ADK: variants seen among roughly 807,000 people sequenced by gnomAD.
The protein encoded by ADK is adenosine kinase.
ADK carries 24 observed loss-of-function variants against 44.7 expected under a neutral mutation model. The observed-to-expected ratio is 0.54, with a 90% CI of 0.39 to 0.76. ADK has a LOEUF of 0.76. Ranked by LOEUF, ADK falls within the 30% of genes least tolerant of loss-of-function variation. The pLI is 0.00. For synonymous variants in ADK, 128 were observed against 142.6 expected (o/e 0.90, Z 0.73); for missense variants, 321 against 425.1 (o/e 0.76, Z 2.15).
chr10:74,240,881 A>G (rs908704115), intron 3 of ADK, among the ~76,000 whole-genome samples: 1 of 152,212 alleles, frequency 6.6e-6, no homozygotes, highest in East Asian at 1.9e-4. Flanking sequence ...ATTTGGAAAA[A>G]TTAGTATTAT....
At chr10:74,320,790 C>G (rs1225299293) in intron 4 of ADK, among the ~76,000 whole-genome samples, 1 of 152,170 alleles carries the variant, frequency 6.6e-6, no homozygotes, top group Non-Finnish European at 1.5e-5. Context: ...ATTTTTACTT[C>G]TCTAAATGTT....
At chr10:74,335,301 C>T (rs764453444) in intron 4 of ADK, among the ~76,000 whole-genome samples, 2 of 152,076 alleles carry the variant, frequency 1.3e-5, no homozygotes, top group South Asian at 2.1e-4. Flanking sequence ...TGTGCCAAAA[C>T]GTGGCAGCCC....
intron 1 of ADK, among the ~76,000 whole-genome samples, chr10:74,169,173 T>C: frequency 6.7e-6 from 1 of 149,018 alleles, no homozygotes. Context: ...GAACCAAGAT[T>C]GTGCCAGTAC....
intron 7 of ADK, among the ~76,000 whole-genome samples, chr10:74,571,945 G>A: frequency 6.6e-6 from 1 of 152,284 alleles, no homozygotes; most frequent in East Asian, 1.9e-4. Context: ...GATGGGTCTT[G>A]ACTCTTTATC....
At chr10:74,365,182 T>A (rs1272953679) in intron 4 of ADK, among the ~76,000 whole-genome samples, 1 of 112,678 alleles carries the variant, frequency 8.9e-6, no homozygotes, top group Non-Finnish European at 2.1e-5. Flanking sequence ...ATTTACTGCA[T>A]TCACAATGCT....
At chr10:74,583,301 G>T (rs112225004) in intron 7 of ADK, among the ~76,000 whole-genome samples, 37 of 151,742 alleles carry the variant, frequency 2.4e-4, no homozygotes, top group Non-Finnish European at 4.9e-4. Flanking sequence ...ACTCAATATT[G>T]TTTTTCTCAC....
intron 1 of ADK, chr10:74,176,470 A>C: frequency 1.8e-6 from 2 of 1,124,980 alleles, no homozygotes; most frequent in Non-Finnish European, 2.2e-6. Context: ...CGTGACTGCT[A>C]AACCGGTTGC....
At chr10:74,366,257 C>T (rs1362592514) in intron 4 of ADK, among the ~76,000 whole-genome samples, 2 of 152,018 alleles carry the variant, frequency 1.3e-5, no homozygotes, top group Admixed American at 1.3e-4. Context: ...TATTTTAAGT[C>T]TTTATACTAA....
intron 2 of ADK, among the ~76,000 whole-genome samples, chr10:74,214,706 G>C (rs1843948788): frequency 1.3e-5 from 2 of 152,152 alleles, no homozygotes; most frequent in Non-Finnish European, 2.9e-5. Flanking sequence ...TCATTAAAAG[G>C]CTCTTATAAA....
At chr10:74,388,493 A>G (rs931336661) in intron 4 of ADK, among the ~76,000 whole-genome samples, 11 of 152,210 alleles carry the variant, frequency 7.2e-5, no homozygotes, top group African/African-American at 2.7e-4. Context: ...AAATCCATGT[A>G]CATAATATAG....
chr10:74,513,279 G>A (rs1848419453), intron 6 of ADK, among the ~76,000 whole-genome samples: 1 of 152,088 alleles, frequency 6.6e-6, no homozygotes. Context: ...TTAGTCTATG[G>A]TGCAGTTTAA....
chr10:74,647,959 TTCAGTTCAACACTGATC>T (rs1854113506), intron 9 of ADK, among the ~76,000 whole-genome samples: 1 of 152,192 alleles, frequency 6.6e-6, no homozygotes, highest in Non-Finnish European at 1.5e-5. Flanking sequence ...CTTTCCTATC[TTCAGTTCAACACTGATC>T]TCAGCCCACA....
intron 1 of ADK, among the ~76,000 whole-genome samples, chr10:74,166,978 T>C (rs1226952068): frequency 6.6e-6 from 1 of 152,210 alleles, no homozygotes; most frequent in East Asian, 1.9e-4. Context: ...TTGTATAGAC[T>C]AAAATGTTTT....
At chr10:74,192,882 T>C (rs1313520343) in intron 1 of ADK, among the ~76,000 whole-genome samples, 1 of 152,230 alleles carries the variant, frequency 6.6e-6, no homozygotes, top group Non-Finnish European at 1.5e-5. Flanking sequence ...CTCTGTGTAC[T>C]TAAGTTTTTC....
chr10:74,442,582 G>A (rs1408229581), intron 6 of ADK, among the ~76,000 whole-genome samples: 1 of 152,188 alleles, frequency 6.6e-6, no homozygotes, highest in Non-Finnish European at 1.5e-5. Flanking sequence ...GGAGGTGGAG[G>A]TTGCAGCGAG....
At chr10:74,261,579 T>C (rs1846039177) in intron 3 of ADK, among the ~76,000 whole-genome samples, 1 of 152,218 alleles carries the variant, frequency 6.6e-6, no homozygotes, top group Admixed American at 6.5e-5. Context: ...TTTCCATACA[T>C]GTAGGTCTAA....
intron 4 of ADK, among the ~76,000 whole-genome samples, chr10:74,366,947 C>T (rs545760788): frequency 1.3e-5 from 2 of 152,118 alleles, no homozygotes; most frequent in Admixed American, 6.6e-5. Context: ...AAAACAAAAA[C>T]GCCCAAATAT....
intron 3 of ADK, among the ~76,000 whole-genome samples, chr10:74,250,723 A>G (rs1845621894): frequency 6.6e-6 from 1 of 152,248 alleles, no homozygotes; most frequent in Middle Eastern, 3.4e-3. Context: ...ATAGGGTAGT[A>G]GTAGTAGTGA....
chr10:74,680,547 C>A (rs888503421), intron 10 of ADK, among the ~76,000 whole-genome samples: 1 of 151,604 alleles, frequency 6.6e-6, no homozygotes, highest in South Asian at 2.1e-4. Flanking sequence ...TTACAATGTG[C>A]CCTTATTGGC....
Sources: allele counts gnomAD v4.1 joint callset (sites outside exome capture counted in the v4.1 genomes callset), GRCh38; gene constraint gnomAD v4.1.1; transcripts MANE v1.5; gene names NCBI Gene and HGNC (gene_info 2026-07-23, HGNC 2026-07-21).